The following HK1 variants were observed in gnomAD, a reference collection of about 807,000 sequenced individuals.
HK1 encodes the protein hexokinase-1.
Under a neutral mutation model 91.6 loss-of-function variants are expected in HK1, and 28 were observed. That is an observed-to-expected ratio of 0.31 (90% confidence interval 0.23 to 0.42). The LOEUF is 0.42. Among genes scored for constraint, HK1 ranks in the 10% least tolerant of loss-of-function variants. The pLI is 1.00. For synonymous variants in HK1, 430 were observed against 468.1 expected, an observed-to-expected ratio of 0.92 and a Z score of 1.05; for missense variants, 770 against 1,219.8, an observed-to-expected ratio of 0.63 and a Z score of 5.49.
intron 1 of HK1, among the ~76,000 whole-genome samples, chr10:69,321,440 C>T (rs1317998663): frequency 6.6e-6 from 1 of 152,212 alleles, no homozygotes; most frequent in Non-Finnish European, 1.5e-5. Flanking sequence ...CCTGTTCTTC[C>T]TGTGGGGCTG....
chr10:69,339,461 T>C (rs1339318409), intron 1 of HK1, among the ~76,000 whole-genome samples: 1 of 152,232 alleles, frequency 6.6e-6, no homozygotes, highest in Admixed American at 6.5e-5. Context: ...GGCCCCAGTA[T>C]TCATGTCTCT....
At chr10:69,324,703 T>C (rs1348528112) in intron 1 of HK1, among the ~76,000 whole-genome samples, 1 of 152,246 alleles carries the variant, frequency 6.6e-6, no homozygotes, top group Non-Finnish European at 1.5e-5. Flanking sequence ...GGCTAGGAAC[T>C]GCTTACAGCT....
At chr10:69,322,222 G>A (rs142830127) in intron 1 of HK1, among the ~76,000 whole-genome samples, 174 of 152,306 alleles carry the variant, frequency 1.1e-3, no homozygotes, top group Non-Finnish European at 2.1e-3. Context: ...AAATGCCAGT[G>A]GATTTTCTCT....
chr10:69,360,174 A>T (rs562378291), intron 3 of HK1, 129 bp downstream of exon 3: 1 of 876,184 alleles, frequency 1.1e-6, no homozygotes, highest in African/African-American at 1.7e-5. Flanking sequence ...TCCCTCATAG[A>T]TGCATATGTA....
intron 2 of HK1, among the ~76,000 whole-genome samples, chr10:69,347,115 C>T (rs1848598716): frequency 6.6e-6 from 1 of 151,720 alleles, no homozygotes; most frequent in East Asian, 1.9e-4. Context: ...TTCAAGCGAT[C>T]CTCCTGCCTT....
At position 69,369,187 on chromosome 10, in the gene HK1, C is replaced by A; in HGVS notation, c.592-50C>A. 1.4e-6 allele frequency: 2 copies of A among 1,383,592 alleles called. No homozygotes were observed. Among genetic ancestry groups the A allele is most frequent in the Non-Finnish European group, 2.1e-6 (2 of 970,650 alleles). The allele number at this position is 1,383,592 out of a possible 1,614,324, so 85.7% of individuals were successfully genotyped here. A position where few individuals can be genotyped will look rare whatever the true frequency, so the allele number is the denominator to read the frequency against. On this transcript the variant is annotated intron_variant, in intron 5 of 17. Coordinates refer to ENST00000359426, the MANE Select transcript of HK1 (RefSeq NM_000188.3). This position sits in a 1 kb window ranked among gnomAD's most constrained non-coding sequence, Gnocchi z 4.4. ...GCCAAGCGCTGTTAAGGTGTGTGATCTCTGCTCCCATGTGTGAGTGGACAA... is the reference window on the plus strand; with the variant it reads ...GCCAAGCGCTGTTAAGGTGTGTGATATCTGCTCCCATGTGTGAGTGGACAA...
At chr10:69,312,157 G>A (rs1465315695), upstream of HK1, among the ~76,000 whole-genome samples, 1 of 152,212 alleles carries the variant, frequency 6.6e-6, no homozygotes, top group East Asian at 1.9e-4. Context: ...ACGATTAAGA[G>A]AAAAGGCATA....
chr10:69,374,890 T>C (rs1419766340), intron 7 of HK1, among the ~76,000 whole-genome samples: 1 of 152,130 alleles, frequency 6.6e-6, no homozygotes, highest in Non-Finnish European at 1.5e-5. Context: ...GAAGGCTGCC[T>C]AGGGAGGAGA....
At chr10:69,371,331 G>A (rs1198954102) in intron 7 of HK1, among the ~76,000 whole-genome samples, 1 of 73,398 alleles carries the variant, frequency 1.4e-5, no homozygotes, top group Non-Finnish European at 2.9e-5. Flanking sequence ...CCCCCACCCC[G>A]CCCAATCCAT....
At chr10:69,357,816 T>G (rs1849207486) in intron 2 of HK1, among the ~76,000 whole-genome samples, 1 of 152,076 alleles carries the variant, frequency 6.6e-6, no homozygotes, top group South Asian at 2.1e-4. Flanking sequence ...AGAAAATAGA[T>G]TAGTGGTTGC....
intron 7 of HK1, among the ~76,000 whole-genome samples, chr10:69,372,872 T>C (rs981618147): frequency 2.6e-5 from 4 of 151,976 alleles, no homozygotes; most frequent in South Asian, 2.1e-4. Context: ...TTTTTTGTTG[T>C]TGTTGTTTTG....
chr10:69,375,065 G>T (rs868175977), intron 7 of HK1, among the ~76,000 whole-genome samples: 2 of 152,290 alleles, frequency 1.3e-5, no homozygotes, highest in South Asian at 2.1e-4. Context: ...ATTGCCACTT[G>T]TTAGCCCTGT....
chr10:69,321,235 C>T (rs981058160), intron 1 of HK1, among the ~76,000 whole-genome samples: 5 of 152,162 alleles, frequency 3.3e-5, no homozygotes, highest in Admixed American at 6.5e-5. Flanking sequence ...GCTATGATTG[C>T]GCCACCGCAC....
chr10:69,363,481 G>T (rs1259747812), intron 3 of HK1, among the ~76,000 whole-genome samples: 1 of 152,088 alleles, frequency 6.6e-6, no homozygotes, highest in Non-Finnish European at 1.5e-5. Flanking sequence ...TGGGCTCAGG[G>T]GATCATCTCA....
At chr10:69,374,719 A>G (rs1838994592) in intron 7 of HK1, among the ~76,000 whole-genome samples, 1 of 152,228 alleles carries the variant, frequency 6.6e-6, no homozygotes, top group South Asian at 2.1e-4. Context: ...AAAAGGGGGT[A>G]TCACTATCCA....
upstream of HK1, chr10:69,318,742 T>A: frequency 1.0e-6 from 1 of 982,162 alleles, no homozygotes; most frequent in South Asian, 2.1e-5. Context: ...AGGAGGTGGG[T>A]CGGCTGGCGG....
At chr10:69,311,306 C>T (rs10159540), upstream of HK1, among the ~76,000 whole-genome samples, 3,043 of 152,244 alleles carry the variant, frequency 0.02, 108 homozygotes, top group African/African-American at 0.069. Flanking sequence ...CAGGTTAACT[C>T]TTGAATGCCC....
upstream of HK1, among the ~76,000 whole-genome samples, chr10:69,315,311 G>A (rs1167084687): frequency 6.6e-6 from 1 of 152,196 alleles, no homozygotes; most frequent in Non-Finnish European, 1.5e-5. Flanking sequence ...TAGTGCCATG[G>A]GTCAGATGGG....
intron 1 of HK1, chr10:69,271,154 T>C (rs1055312710): frequency 6.6e-6 from 1 of 152,184 alleles, no homozygotes; most frequent in African/African-American, 2.4e-5. Flanking sequence ...TAATACAACA[T>C]GGTAAACAGG....
Sources: gnomAD v4.1 joint callset for allele counts (sites outside exome capture counted in the v4.1 genomes callset) on GRCh38, gnomAD v4.1.1 for gene constraint, Gnocchi (gnomAD v3.1) non-coding constraint, MANE v1.5 for transcripts, NCBI Gene and HGNC (gene_info 2026-07-23, HGNC 2026-07-21) for gene names.